Variants in NOS3 observed in about 807,000 individuals in gnomAD.
NOS3 encodes the protein nitric oxide synthase 3, also known as NOS type III.
In NOS3, 98 loss-of-function variants were observed where a neutral mutation model predicts 144.9. The ratio of observed to expected loss-of-function variants is 0.68; its 90% CI spans 0.57 to 0.80. The LOEUF is 0.80. NOS3 is among the 30% of genes least tolerant of loss of function. The probability of loss-of-function intolerance (pLI) is 0.00; values close to 1 mark genes in which losing one functional copy is unlikely to be tolerated. For synonymous variants in NOS3, 714 were observed against 702.4 expected (o/e 1.02, Z -0.26); for missense variants, 1,465 against 1,656.4 (o/e 0.88, Z 2.01).
chr7:150,996,488 G>C lies in NOS3; in HGVS notation c.355G>C (p.Ala119Pro). ...LQGRPSPGPP[A>P]PEQLLSQARD... ...GGGCCGGCCCTCCCCCGGCCCCCCG[G>C]CCCCTGAGCAGCTGCTGAGTCAGGC... The change falls in exon 4 of 27, where the codon GCC (alanine) becomes CCC (proline). Residue 119 changes from alanine (A) to proline (P), a missense_variant. Ala to Pro is a conservative substitution (Grantham distance 27, BLOSUM62 -1). Coordinates refer to ENST00000297494, the MANE Select transcript of NOS3 (RefSeq NM_000603.5). 6.2e-7 allele frequency: 1 copy of C among 1,602,498 alleles called. No individual in the cohort carries two copies. Among genetic ancestry groups the C allele is most frequent in the South Asian group, 1.1e-5 (1 of 89,792 alleles).
rs1453213012 is a variant in NOS3 at position 150,993,946 on chromosome 7, C to T, written c.143C>T (p.Pro48Leu). Residue 48 changes from proline to leucine, a missense_variant, in exon 2 of 27, where the codon CCA becomes CTA. Pro to Leu is a moderately conservative substitution (Grantham distance 98, BLOSUM62 -3). Coordinates refer to ENST00000297494, the MANE Select transcript of NOS3 (RefSeq NM_000603.5). The surrounding 1 kb of genome is among the most constrained non-coding windows in gnomAD (Gnocchi z 4.0). ...PSRAPASLLP[P>L]APEHSPPSSP... The stretch of plus-strand genomic sequence containing the variant: ...CGGGCCCCAGCATCCCTACTCCCAC[C>T]AGCGCCAGAACACAGGTAAGGGCCA... 3 of 1,568,328 alleles carry T rather than the reference C, an allele frequency of 1.9e-6. No individual in the cohort carries two copies. Among genetic ancestry groups the T allele is most frequent in the Non-Finnish European group, 2.6e-6 (3 of 1,159,056 alleles).
chr7:150,997,035 G>T (rs1584899979), intron 5 of NOS3, 110 bp downstream of exon 5: 1 of 1,293,792 alleles, frequency 7.7e-7, no homozygotes, highest in East Asian at 2.5e-5. Context: ...CTGTGGGGGA[G>T]ATCCTTGCCT....
chr7:150,999,272 G>A lies in NOS3; in HGVS notation c.1039G>A (p.Glu347Lys). 2 of 1,612,392 alleles carry A rather than the reference G, an allele frequency of 1.2e-6. No individual in the cohort carries two copies. The highest frequency in any genetic ancestry group is 1.1e-5 in the South Asian group (1 of 91,068). ...CATGCTGCTGGAAATTGGGGGCCTG[G>A]AGTTCCCCGCAGCCCCCTTCAGTGG... is the stretch of plus-strand genomic sequence containing the variant. ...SNMLLEIGGL[E>K]FPAAPFSGWY... Residue 347 changes from glutamate (E) to lysine (K), a missense_variant, in exon 9 of 27, where the codon GAG becomes AAG. Physicochemically the swap from Glu to Lys is moderately conservative, Grantham distance 56. Transcript: ENST00000297494.
At chr7:150,997,299 G>T (rs1362395841) in intron 5 of NOS3, among the ~76,000 whole-genome samples, 2 of 151,934 alleles carry the variant, frequency 1.3e-5, no homozygotes, top group African/African-American at 4.8e-5. Flanking sequence ...CTGCTGCGGG[G>T]GTGAGGACAG....
rs116253356 is a variant in NOS3, at chr7:151,008,136, T to C, written c.2113-794T>C. ...TCATCAGGTTTTGGGAATAGGACTTTAGAGGCGTAGGATCCATTACAGCAT... is the reference window on the plus strand; with the variant it reads ...TCATCAGGTTTTGGGAATAGGACTTCAGAGGCGTAGGATCCATTACAGCAT... On this transcript the variant is annotated intron_variant, in intron 17 of 26. Transcript: ENST00000297494. 4.4e-3 allele frequency among the ~76,000 whole-genome samples: 672 copies of C among 152,192 alleles called. 5 individuals carry two copies. Among genetic ancestry groups the C allele is most frequent in the African/African-American group, 0.014 (599 of 41,520 alleles).
chr7:150,998,812 G>C lies in NOS3; in HGVS notation c.816+132G>C. On this transcript the variant is annotated intron_variant, in intron 7 of 26. Coordinates refer to ENST00000297494, the MANE Select transcript of NOS3 (RefSeq NM_000603.5). The surrounding 1 kb of genome is among the most constrained non-coding windows in gnomAD (Gnocchi z 5.0). The stretch of plus-strand genomic sequence containing the variant: ...ATAAAGGATGAAAAACACCAAAGGA[G>C]GGGTGCCTGGGTGGTCACGGAGACC... 2 of 1,454,454 alleles carry C rather than the reference G, an allele frequency of 1.4e-6. No individual in the cohort carries two copies. Among genetic ancestry groups the C allele is most frequent in the South Asian group, 2.6e-5 (2 of 76,924 alleles). The allele number at this position is 1,454,454 out of a possible 1,614,324, so 90.1% of individuals were successfully genotyped here.
intron 12 of NOS3, 98 bp from the exon 13 acceptor site, chr7:151,001,723 C>G: frequency 6.3e-7 from 1 of 1,577,440 alleles, no homozygotes; most frequent in South Asian, 1.1e-5. Flanking sequence ...GCCTACCACT[C>G]AGTATCCCAA....
At chr7:150,997,759 G>A (rs1361954491) in intron 5 of NOS3, among the ~76,000 whole-genome samples, 2 of 152,194 alleles carry the variant, frequency 1.3e-5, no homozygotes, top group African/African-American at 4.8e-5. Flanking sequence ...AGCTGCCATA[G>A]TGGACCCCAC....
At chr7:151,008,747 T>C in intron 17 of NOS3, 183 bp from the exon 18 acceptor site, 1 of 616,526 alleles carries the variant, frequency 1.6e-6, no homozygotes. Flanking sequence ...GCCAGCCGGG[T>C]CCCTGGGCCC....
chr7:150,993,970 C>T lies in NOS3; in HGVS notation c.158+9C>T, dbSNP rs748003579. On this transcript the variant is annotated intron_variant, in intron 2 of 26. Coordinates refer to ENST00000297494, the MANE Select transcript of NOS3 (RefSeq NM_000603.5). This position sits in a 1 kb window ranked among gnomAD's most constrained non-coding sequence, Gnocchi z 4.0. ...CCAGCGCCAGAACACAGGTAAGGGC[C>T]AGGCAGCTAGGAGCAGGTGGGCAAC... The T allele has an allele frequency of 1.5e-5, 24 of 1,553,990 alleles. No individual in the cohort carries two copies. The highest frequency in any genetic ancestry group is 2.1e-5 in the Non-Finnish European group (24 of 1,152,812).
chr7:151,008,821 T>G, intron 17 of NOS3, 109 bp from the exon 18 acceptor site: 1 of 1,303,358 alleles, frequency 7.7e-7, no homozygotes. Flanking sequence ...CCTCAGCCAC[T>G]GGGGCTGCCA....
At chr7:151,004,838 ATGTTTGTTTGTTTGTT>A (rs113307925) in intron 14 of NOS3, among the ~76,000 whole-genome samples, 1 of 151,056 alleles carries the variant, frequency 6.6e-6, no homozygotes, top group Non-Finnish European at 1.5e-5. Context: ...GATGCGGGTA[ATGTTTGTTTGTTTGTT>A]TGTTTGTTTG....
At chr7:150,991,732 A>G (rs1802258250) in intron 1 of NOS3, among the ~76,000 whole-genome samples, 1 of 152,178 alleles carries the variant, frequency 6.6e-6, no homozygotes, top group South Asian at 2.1e-4. Flanking sequence ...ATGGTGGCTC[A>G]CACCTGGAAT....
chr7:151,006,160 G>GT (rs1795203742), intron 14 of NOS3, among the ~76,000 whole-genome samples: 2 of 152,258 alleles, frequency 1.3e-5, no homozygotes, highest in South Asian at 4.1e-4. Flanking sequence ...GCACATGCAC[G>GT]TAAGTTCAAG....
chr7:151,011,724 C>A, intron 23 of NOS3: 1 of 288,072 alleles, frequency 3.5e-6, no homozygotes, highest in Non-Finnish European at 7.1e-6. Flanking sequence ...CGGTGTTTCA[C>A]TATGTTGGCC....
At chr7:150,995,999 C>T (rs189182405) in intron 3 of NOS3, among the ~76,000 whole-genome samples, 1 of 12,728 alleles carries the variant, frequency 7.9e-5, no homozygotes, top group Non-Finnish European at 1.9e-4. Context: ...CCCTGCACCC[C>T]TCCTCCCTCT....
At position 151,013,707 on chromosome 7, in the gene NOS3, A is replaced by ACCCCGCCG; in HGVS notation, c.3256-10_3256-3dup. ...CCCACCCCCACCAGGGCCCGCCCTA[A>ACCCCGCCG]CCCCGCCGCCCCGCAGACCTACGTG... On this transcript the variant is annotated splice_polypyrimidine_tract_variant and intron_variant, in intron 25 of 26. Transcript: ENST00000297494. The ACCCCGCCG allele has an allele frequency of 1.9e-6, 3 of 1,573,752 alleles. No homozygotes were observed. The highest frequency in any genetic ancestry group is 2.6e-6 in the Non-Finnish European group (3 of 1,160,978).
chr7:151,002,157 C>A lies in NOS3; in HGVS notation c.1648-43C>A, dbSNP rs189701253. ...GGCCAGAGTGAGGAGGGCAGGGCCT[C>A]CGGGGGCCACAGCACCCAGGACATC... On this transcript the variant is annotated intron_variant, in intron 13 of 26. Transcript: ENST00000297494. The surrounding 1 kb of genome is among the most constrained non-coding windows in gnomAD (Gnocchi z 4.1). 1.8e-5 allele frequency: 26 copies of A among 1,471,584 alleles called. No individual in the cohort carries two copies. In the East Asian group the frequency reaches 6.2e-4, roughly 35 times the overall value. 91.2% of individuals were successfully genotyped at this position (1,471,584 alleles called of 1,614,324 possible). A position where few individuals can be genotyped will look rare whatever the true frequency, so the allele number is the denominator to read the frequency against.
chr7:151,004,598 C>T (rs186849056), intron 14 of NOS3, among the ~76,000 whole-genome samples: 88 of 152,250 alleles, frequency 5.8e-4, no homozygotes, highest in Non-Finnish European at 6.6e-4. Context: ...AGTGCCATAT[C>T]GCACTAAGTG....
Sources: gnomAD v4.1 joint callset for allele counts (sites outside exome capture counted in the v4.1 genomes callset) on GRCh38, gnomAD v4.1.1 for gene constraint, Gnocchi (gnomAD v3.1) non-coding constraint, MANE v1.5 for transcripts, NCBI Gene and HGNC (gene_info 2026-07-23, HGNC 2026-07-21) for gene names.